Variants in PAX5 observed in about 807,000 individuals in gnomAD.
PAX5 encodes the protein paired box protein Pax-5.
A neutral mutation model predicts 43.7 loss-of-function variants in PAX5; 9 were observed. The observed-to-expected ratio is 0.21, with a 90% CI of 0.12 to 0.36. The LOEUF is 0.36. Ranked by LOEUF, PAX5 falls within the 10% of genes least tolerant of loss-of-function variation. The probability of loss-of-function intolerance (pLI) is 1.00; values close to 1 mark genes in which losing one functional copy is unlikely to be tolerated. For synonymous variants in PAX5, 228 were observed against 214.3 expected (o/e 1.06, Z -0.56); for missense variants, 383 against 532.7 (o/e 0.72, Z 2.77).
chr9:37,019,673 A>C (rs1373956342), intron 2 of PAX5, among the ~76,000 whole-genome samples: 5 of 152,230 alleles, frequency 3.3e-5, no homozygotes, highest in Non-Finnish European at 7.3e-5. Context: ...TGCAAACTAC[A>C]GGACAAAGGT....
chr9:36,993,936 G>A (rs1837153467), intron 5 of PAX5, among the ~76,000 whole-genome samples: 1 of 152,212 alleles, frequency 6.6e-6, no homozygotes, highest in South Asian at 2.1e-4. Flanking sequence ...AAGGAACTGG[G>A]GGTAAGAGGA....
At chr9:37,009,768 C>T (rs1838770457) in intron 3 of PAX5, among the ~76,000 whole-genome samples, 1 of 149,170 alleles carries the variant, frequency 6.7e-6, no homozygotes, top group Non-Finnish European at 1.5e-5. Flanking sequence ...CATTGCATAC[C>T]TGTACCAAAA....
intron 6 of PAX5, among the ~76,000 whole-genome samples, chr9:36,952,511 G>A (rs1240592270): frequency 1.3e-5 from 2 of 152,080 alleles, no homozygotes; most frequent in East Asian, 1.9e-4. Context: ...TATCTACTAC[G>A]TTTGTAACTT....
rs1182169983 is a variant in PAX5, at chr9:36,834,707, C to T, written c.*5853G>A. Reference sequence around the variant, plus strand: ...TTTCTGTTCCACTCCAAGGGAAATGCGCCGTTTGTAAATCAAAAATCCATC... The same window carrying T: ...TTTCTGTTCCACTCCAAGGGAAATGTGCCGTTTGTAAATCAAAAATCCATC... On this transcript the variant is annotated 3_prime_UTR_variant, in exon 10 of 10. Coordinates refer to ENST00000358127, the MANE Select transcript of PAX5 (RefSeq NM_016734.3). 1.7e-5 allele frequency: 4 copies of T among 233,048 alleles called. No individual in the cohort carries two copies. The highest frequency in any genetic ancestry group is 4.4e-5 in the African/African-American group (2 of 45,286). The allele number at this position is 233,048 out of a possible 1,614,324, so 14.4% of individuals were successfully genotyped here. A position where few individuals can be genotyped will look rare whatever the true frequency, so the allele number is the denominator to read the frequency against.
chr9:36,952,641 C>A (rs1296543741), intron 6 of PAX5, among the ~76,000 whole-genome samples: 1 of 151,998 alleles, frequency 6.6e-6, no homozygotes, highest in Non-Finnish European at 1.5e-5. Flanking sequence ...AATTATATTT[C>A]TTTTTTTAAG....
intron 6 of PAX5, among the ~76,000 whole-genome samples, chr9:36,935,228 A>G (rs975474316): frequency 5.3e-5 from 8 of 151,970 alleles, no homozygotes; most frequent in African/African-American, 1.9e-4. Flanking sequence ...TAAAAATACA[A>G]AATTAGCCGG....
intron 8 of PAX5, among the ~76,000 whole-genome samples, chr9:36,874,073 G>A (rs1563919280): frequency 6.6e-6 from 1 of 152,172 alleles, no homozygotes; most frequent in South Asian, 2.1e-4. Flanking sequence ...AGAATCAGGG[G>A]TGGGCTTGCC....
chr9:36,971,666 A>C (rs1588116891), intron 5 of PAX5, among the ~76,000 whole-genome samples: 1 of 152,338 alleles, frequency 6.6e-6, no homozygotes, highest in East Asian at 1.9e-4. Context: ...TAATAGACCC[A>C]GTGCTGGGCT....
At position 36,882,367 on chromosome 9, in the gene PAX5, G is replaced by A. The variant is rs922686061; in HGVS notation, c.911-262C>T. Among the ~76,000 whole-genome samples the A allele has an allele frequency of 3.9e-5, 6 of 152,118 alleles. No individual in the cohort carries two copies. Among genetic ancestry groups the A allele is most frequent in the Non-Finnish European group, 5.9e-5 (4 of 68,028 alleles). ...AGAGTCAGGGATGTGGCCTGTTCCTGGGAAATCAGAACCCCCTGCTTGGGG... is the reference window on the plus strand; with the variant it reads ...AGAGTCAGGGATGTGGCCTGTTCCTAGGAAATCAGAACCCCCTGCTTGGGG... On this transcript the variant is annotated intron_variant, in intron 7 of 9. Coordinates refer to ENST00000358127, the MANE Select transcript of PAX5 (RefSeq NM_016734.3). The surrounding 1 kb of genome is among the most constrained non-coding windows in gnomAD (Gnocchi z 4.4).
Position 37,033,970 on chromosome 9 carries a change from C to G in PAX5, c.46+16G>C, listed in dbSNP as rs768539122. 8 of 1,611,086 alleles carry G rather than the reference C, an allele frequency of 5.0e-6. No homozygotes were observed. The highest frequency in any genetic ancestry group is 2.2e-4 in the Middle Eastern group (1 of 4,620). ...TCCCGGAGTTTGCACATCTGGAGCC[C>G]GTATCGCGGTCCTACCTGTCCTGCT... On this transcript the variant is annotated intron_variant, in intron 1 of 9. Coordinates refer to ENST00000358127, the MANE Select transcript of PAX5 (RefSeq NM_016734.3).
intron 8 of PAX5, among the ~76,000 whole-genome samples, chr9:36,855,569 A>AG (rs1018785497): frequency 6.6e-6 from 1 of 152,126 alleles, no homozygotes; most frequent in Admixed American, 6.5e-5. Context: ...TGAGGTGGGG[A>AG]GGGGGGTACT....
intron 7 of PAX5, among the ~76,000 whole-genome samples, chr9:36,901,642 AG>A (rs1828402487): frequency 6.6e-6 from 1 of 152,090 alleles, no homozygotes; most frequent in African/African-American, 2.4e-5. Context: ...GCTAAAAGGT[AG>A]GGGGGTCTGG....
At chr9:36,943,832 A>AAT (rs1832266957) in intron 6 of PAX5, among the ~76,000 whole-genome samples, 1 of 152,156 alleles carries the variant, frequency 6.6e-6, no homozygotes, top group African/African-American at 2.4e-5. Context: ...GGATGTAAAA[A>AAT]ATATATGGAG....
intron 6 of PAX5, chr9:36,930,752 C>CT (rs1398085362): frequency 1.1e-6 from 1 of 872,524 alleles, no homozygotes; most frequent in African/African-American, 1.7e-5. Flanking sequence ...TCATGAGAAT[C>CT]TGAGGGGTAA....
intron 5 of PAX5, among the ~76,000 whole-genome samples, chr9:37,002,056 C>T (rs879855155): frequency 6.6e-6 from 1 of 151,494 alleles, no homozygotes; most frequent in East Asian, 1.9e-4. Context: ...TCTTTGTAAT[C>T]CCCCCCAACA....
intron 3 of PAX5, among the ~76,000 whole-genome samples, chr9:37,010,838 C>T (rs551865828): frequency 6.6e-6 from 1 of 152,238 alleles, no homozygotes; most frequent in South Asian, 2.1e-4. Context: ...ACAGGTGGCA[C>T]CCAGGCCTGT....
chr9:36,937,373 C>T (rs1024965156), intron 6 of PAX5, among the ~76,000 whole-genome samples: 2 of 152,146 alleles, frequency 1.3e-5, no homozygotes, highest in Non-Finnish European at 2.9e-5. Flanking sequence ...TGAAACACCA[C>T]TCTACACCCC....
intron 8 of PAX5, among the ~76,000 whole-genome samples, chr9:36,867,351 G>A (rs1824998258): frequency 6.6e-6 from 1 of 152,130 alleles, no homozygotes; most frequent in South Asian, 2.1e-4. Context: ...GCAATTTCTG[G>A]GCTGTAACAC....
chr9:36,937,976 T>C (rs776469635), intron 6 of PAX5, among the ~76,000 whole-genome samples: 1 of 152,206 alleles, frequency 6.6e-6, no homozygotes, highest in Non-Finnish European at 1.5e-5. Flanking sequence ...AAGTCCTCTC[T>C]GTTCTTTACT....
Sources: allele counts gnomAD v4.1 joint callset (sites outside exome capture counted in the v4.1 genomes callset), GRCh38; gene constraint gnomAD v4.1.1; non-coding constraint Gnocchi (gnomAD v3.1); transcripts MANE v1.5; gene names NCBI Gene and HGNC (gene_info 2026-07-23, HGNC 2026-07-21).